Variants in LOC400499 observed in about 807,000 individuals in gnomAD.
chr16:11,499,837 G>C, the LOC400499 span, among the ~76,000 whole-genome samples: 3 of 152,304 alleles, frequency 2.0e-5, no homozygotes, highest in East Asian at 5.8e-4. Context: ...CCTTGCCCAG[G>C]AAAGTGAGGA....
At chr16:11,475,630 C>T in the LOC400499 span, 1 of 398,994 alleles carries the variant, frequency 2.5e-6, no homozygotes, top group Non-Finnish European at 4.4e-6. Context: ...CTACCTTCCT[C>T]ACCAGTACAG....
At chr16:11,464,576 C>G in the LOC400499 span, among the ~76,000 whole-genome samples, 2 of 152,172 alleles carry the variant, frequency 1.3e-5, no homozygotes, top group African/African-American at 4.8e-5. Flanking sequence ...AGCTTTGAGA[C>G]AAGTTGAACA....
the LOC400499 span, among the ~76,000 whole-genome samples, chr16:11,485,936 CAGAT>C: frequency 6.6e-6 from 1 of 152,060 alleles, no homozygotes; most frequent in African/African-American, 2.4e-5. Context: ...GATGGACACA[CAGAT>C]GGACAGATGG....
chr16:11,507,916 A>C, the LOC400499 span, among the ~76,000 whole-genome samples: 1 of 152,176 alleles, frequency 6.6e-6, no homozygotes, highest in Non-Finnish European at 1.5e-5. Context: ...CCTGGGCAAC[A>C]GAATGAGACC....
chr16:11,407,816 T>A, the LOC400499 span, among the ~76,000 whole-genome samples: 14,794 of 152,108 alleles, frequency 0.097, 796 homozygotes, highest in African/African-American at 0.11. Context: ...CCTATTTTAT[T>A]ACGGGTTGCT....
At chr16:11,448,952 C>T in the LOC400499 span, 25 of 1,502,080 alleles carry the variant, frequency 1.7e-5, no homozygotes, top group Middle Eastern at 1.8e-4. Context: ...CTGTTAGGTT[C>T]AGCTCCTGCT....
At chr16:11,380,173 A>G in the LOC400499 span, among the ~76,000 whole-genome samples, 1 of 152,202 alleles carries the variant, frequency 6.6e-6, no homozygotes, top group East Asian at 1.9e-4. Flanking sequence ...AATCCAATAA[A>G]ATAATTACAG....
chr16:11,390,111 G>A, the LOC400499 span: 23 of 1,232,012 alleles, frequency 1.9e-5, no homozygotes, highest in Admixed American at 5.9e-4. Context: ...TTACCTGGCC[G>A]ACAGGCTGTA....
At chr16:11,431,271 G>A in the LOC400499 span, 1 of 399,080 alleles carries the variant, frequency 2.5e-6, no homozygotes, top group Admixed American at 4.4e-5. Context: ...GGGCTTTGTA[G>A]TCAGGCAAAC....
chr16:11,416,746 G>A, the LOC400499 span, among the ~76,000 whole-genome samples: 9 of 152,108 alleles, frequency 5.9e-5, no homozygotes, highest in South Asian at 4.1e-4. Context: ...GGAGGTGAGG[G>A]AGCCAGGCAG....
the LOC400499 span, among the ~76,000 whole-genome samples, chr16:11,376,598 C>A: frequency 6.6e-6 from 1 of 152,138 alleles, no homozygotes; most frequent in African/African-American, 2.4e-5. Flanking sequence ...CTGTAGCTTT[C>A]AACAAATTTT....
At chr16:11,416,623 C>A in the LOC400499 span, among the ~76,000 whole-genome samples, 1 of 152,088 alleles carries the variant, frequency 6.6e-6, no homozygotes, top group Admixed American at 6.5e-5. Context: ...TATTTGTATG[C>A]TACACAGTGT....
At chr16:11,435,465 G>C in the LOC400499 span, among the ~76,000 whole-genome samples, 18 of 152,144 alleles carry the variant, frequency 1.2e-4, no homozygotes, top group African/African-American at 3.9e-4. Context: ...ACGCAAAAAA[G>C]AAACAAAGGG....
chr16:11,439,336 G>T, the LOC400499 span, among the ~76,000 whole-genome samples: 4 of 152,076 alleles, frequency 2.6e-5, no homozygotes, highest in Non-Finnish European at 5.9e-5. Context: ...GATTCTACAG[G>T]GCTGTTTGGC....
the LOC400499 span, among the ~76,000 whole-genome samples, chr16:11,400,892 C>A: frequency 2.6e-5 from 4 of 152,118 alleles, no homozygotes; most frequent in African/African-American, 9.7e-5. Flanking sequence ...CTCAGAGAGG[C>A]GATAGGACAC....
At chr16:11,508,548 T>G in the LOC400499 span, among the ~76,000 whole-genome samples, 2 of 152,254 alleles carry the variant, frequency 1.3e-5, no homozygotes, top group Non-Finnish European at 1.5e-5. Context: ...ATTTCCTTGC[T>G]TCTGCAACCA....
At chr16:11,509,219 G>C in the LOC400499 span, among the ~76,000 whole-genome samples, 1 of 149,522 alleles carries the variant, frequency 6.7e-6, no homozygotes, top group South Asian at 2.1e-4. Flanking sequence ...CTGGGTTCAC[G>C]CCGTTCTCCT....
At chr16:11,489,547 T>G in the LOC400499 span, among the ~76,000 whole-genome samples, 1 of 152,128 alleles carries the variant, frequency 6.6e-6, no homozygotes, top group Non-Finnish European at 1.5e-5. Context: ...CCTCCCCCCA[T>G]TGTCTCAGGC....
chr16:11,517,796 T>C, the LOC400499 span, among the ~76,000 whole-genome samples: 2 of 151,648 alleles, frequency 1.3e-5, no homozygotes, highest in African/African-American at 4.8e-5. Context: ...AGTGAAGGGG[T>C]GGGAAGTGAG....
Sources: gnomAD v4.1 joint callset for allele counts (sites outside exome capture counted in the v4.1 genomes callset) on GRCh38, gnomAD v4.1.1 for gene constraint, MANE v1.5 for transcripts.